CDK13: variants seen among roughly 807,000 people sequenced by gnomAD.
CDK13 encodes cyclin-dependent kinase 13.
A neutral mutation model predicts 137.6 loss-of-function variants in CDK13; 40 were observed. The observed-to-expected ratio is 0.29, with a 90% CI of 0.23 to 0.38. The LOEUF (loss-of-function observed/expected upper bound fraction) is 0.38. Ranked by LOEUF, CDK13 falls within the 10% of genes least tolerant of loss-of-function variation. The probability of loss-of-function intolerance (pLI) is 1.00; values close to 1 mark genes in which losing one functional copy is unlikely to be tolerated. For missense variants in CDK13, 1,704 were observed against 1,951.8 expected, an observed-to-expected ratio of 0.87 and a Z score of 2.39; for synonymous variants, 869 against 760.1, an observed-to-expected ratio of 1.14 and a Z score of -2.36.
chr7:39,960,202 C>A (rs1787565546), intron 1 of CDK13, among the ~76,000 whole-genome samples: 1 of 130,204 alleles, frequency 7.7e-6, no homozygotes, highest in South Asian at 2.5e-4. Flanking sequence ...TAAAATACCA[C>A]TTTCATTTGA....
chr7:40,031,676 C>T (rs912338224), intron 5 of CDK13, among the ~76,000 whole-genome samples: 4 of 151,784 alleles, frequency 2.6e-5, no homozygotes, highest in Non-Finnish European at 5.9e-5. Context: ...GACAGGATCT[C>T]GCTCTGTCAT....
chr7:40,024,239 A>T (rs760780068), intron 5 of CDK13, among the ~76,000 whole-genome samples: 156 of 152,052 alleles, frequency 1.0e-3, no homozygotes, highest in African/African-American at 3.5e-3. Context: ...AACCCTACCC[A>T]CATATTTCCT....
chr7:40,095,170 A>G lies in CDK13; in HGVS notation c.*190A>G. 1 of 411,746 alleles carries G rather than the reference A, an allele frequency of 2.4e-6. No homozygotes were observed. The highest frequency in any genetic ancestry group is 3.8e-5 in the East Asian group (1 of 26,414). The allele number at this position is 411,746 out of a possible 1,614,324, so 25.5% of individuals were successfully genotyped here. ...CTTTGCTTAAATTCATGCTGTTCTA[A>G]AAACTAGATCGATTGTACATCTTCA... On this transcript the variant is annotated 3_prime_UTR_variant, in exon 14 of 14. Transcript: ENST00000181839.
chr7:40,044,106 A>G (rs1436221458), intron 5 of CDK13, among the ~76,000 whole-genome samples: 2 of 152,018 alleles, frequency 1.3e-5, no homozygotes, highest in Non-Finnish European at 2.9e-5. Context: ...TATGTTGGCC[A>G]GGCTGGTCTC....
intron 1 of CDK13, among the ~76,000 whole-genome samples, chr7:39,964,877 A>C (rs1783833259): frequency 6.6e-6 from 1 of 151,958 alleles, no homozygotes. Flanking sequence ...TCATTTCGTT[A>C]TGTATCCAGT....
intron 5 of CDK13, among the ~76,000 whole-genome samples, chr7:40,010,636 C>A (rs1323584854): frequency 3.3e-5 from 5 of 152,180 alleles, no homozygotes; most frequent in Non-Finnish European, 7.3e-5. Flanking sequence ...GAGCTGAAAT[C>A]ATGCGTCTGT....
At chr7:39,977,568 A>G (rs527655511) in intron 1 of CDK13, among the ~76,000 whole-genome samples, 4 of 152,230 alleles carry the variant, frequency 2.6e-5, no homozygotes, top group Non-Finnish European at 5.9e-5. Context: ...CTGAGATACG[A>G]AGTATCCTTT....
chr7:39,999,442 C>T lies in CDK13; in HGVS notation c.2124C>T (p.Ile708=), dbSNP rs142726395. The change falls in exon 4 of 14, where the codon ATC becomes ATT. Residue 708 remains isoleucine, a synonymous_variant. Coordinates refer to ENST00000181839, the MANE Select transcript of CDK13 (RefSeq NM_003718.5). ...GCTGCGTGGATAAATTTGATATCAT[C>T]GGAATTATTGGAGAAGGTACTTACG... ...GKRCVDKFDI[I]GIIGEGTYGQ... 7,311 of 1,612,650 alleles carry T rather than the reference C, an allele frequency of 4.5e-3. 21 individuals are homozygous for T. Among genetic ancestry groups the T allele is most frequent in the Non-Finnish European group, 5.3e-3 (6,295 of 1,179,126 alleles).
Position 40,093,119 on chromosome 7 carries a change from A to G in CDK13, c.3570A>G (p.Leu1190=). The change falls in exon 13 of 14, where the codon TTA becomes TTG. Residue 1190 remains leucine (L), a synonymous_variant. Transcript: ENST00000181839. ...QSAFAVLLTQ[L]IKAQQSKQKD... Reference sequence around the variant, plus strand: ...CATTTGCAGTTCTGTTGACTCAGTTAATAAAGGCTCAGCAGTCAAAGCAGA... The same window carrying G: ...CATTTGCAGTTCTGTTGACTCAGTTGATAAAGGCTCAGCAGTCAAAGCAGA... 3 of 1,614,190 alleles carry G rather than the reference A, an allele frequency of 1.9e-6. No individual in the cohort carries two copies. Among genetic ancestry groups the G allele is most frequent in the Non-Finnish European group, 2.5e-6 (3 of 1,180,032 alleles).
chr7:39,989,836 G>A (rs1289104755), intron 2 of CDK13, among the ~76,000 whole-genome samples: 1 of 150,042 alleles, frequency 6.7e-6, no homozygotes, highest in Non-Finnish European at 1.5e-5. Flanking sequence ...AGGCTGGAGT[G>A]CAGTGGCGCT....
intron 5 of CDK13, among the ~76,000 whole-genome samples, chr7:40,029,248 G>A (rs756344015): frequency 2.6e-5 from 4 of 151,816 alleles, no homozygotes; most frequent in East Asian, 1.9e-4. Flanking sequence ...CCAACATGGC[G>A]AAACCCCATC....
At chr7:40,048,079 A>G (rs974500736) in intron 7 of CDK13, 2 of 388,762 alleles carry the variant, frequency 5.1e-6, no homozygotes, top group African/African-American at 4.1e-5. Context: ...TTAAAAATTG[A>G]TCTTCAACAG....
intron 3 of CDK13, chr7:39,997,882 G>T: frequency 2.2e-6 from 1 of 452,246 alleles, no homozygotes; most frequent in Non-Finnish European, 3.9e-6. Flanking sequence ...CTCGTAATTT[G>T]TAATGTATTA....
chr7:40,030,266 T>TAG (rs1785344822), intron 5 of CDK13, among the ~76,000 whole-genome samples: 1 of 127,600 alleles, frequency 7.8e-6, no homozygotes, highest in Non-Finnish European at 1.7e-5. Flanking sequence ...TGTGTGTATA[T>TAG]ATATATATAG....
At chr7:40,073,478 C>CT (rs1306630172) in intron 9 of CDK13, 1 of 152,086 alleles carries the variant, frequency 6.6e-6, no homozygotes, top group African/African-American at 2.4e-5. Context: ...GCACTCCAGC[C>CT]TGGGTGACAG....
Position 40,068,357 on chromosome 7 carries a change from A to C in CDK13, c.2780+5257A>C, listed in dbSNP as rs200778668. Among the ~76,000 whole-genome samples the C allele has an allele frequency of 4.7e-4, 71 of 151,134 alleles. No individual in the cohort carries two copies. In the East Asian group the frequency reaches 0.012, roughly 26 times the overall value. Reference sequence around the variant, plus strand: ...TGTTCTCAGTGAACCATATGGGGGGAAAGCTTGGTTTATCCATTTTATAGC... The same window carrying C: ...TGTTCTCAGTGAACCATATGGGGGGCAAGCTTGGTTTATCCATTTTATAGC... On this transcript the variant is annotated intron_variant, in intron 9 of 13. Transcript: ENST00000181839.
chr7:40,021,943 T>G (rs1785135675), intron 5 of CDK13, among the ~76,000 whole-genome samples: 1 of 152,218 alleles, frequency 6.6e-6, no homozygotes, highest in Non-Finnish European at 1.5e-5. Flanking sequence ...GGAACTCAGA[T>G]TTTGAGGCAA....
At chr7:40,055,451 T>C (rs998695131) in intron 7 of CDK13, among the ~76,000 whole-genome samples, 15 of 152,164 alleles carry the variant, frequency 9.9e-5, no homozygotes, top group African/African-American at 3.6e-4. Context: ...GCATCGTATA[T>C]GTAGTGTCAC....
chr7:40,090,333 A>G (rs748476483), intron 12 of CDK13, among the ~76,000 whole-genome samples: 2 of 152,026 alleles, frequency 1.3e-5, no homozygotes, highest in Non-Finnish European at 2.9e-5. Flanking sequence ...TTAATGGTGG[A>G]TAATTTTATT....
Sources: allele counts gnomAD v4.1 joint callset (sites outside exome capture counted in the v4.1 genomes callset), GRCh38; gene constraint gnomAD v4.1.1; transcripts MANE v1.5; gene names NCBI Gene and HGNC (gene_info 2026-07-23, HGNC 2026-07-21).